PRKCH: variants seen among roughly 807,000 people sequenced by gnomAD.
The protein encoded by PRKCH is protein kinase C eta.
PRKCH carries 28 observed loss-of-function variants against 82.5 expected under a neutral mutation model. The observed-to-expected ratio is 0.34, with a 90% CI of 0.25 to 0.47. The LOEUF is 0.47. PRKCH is among the 20% of genes least tolerant of loss of function. PRKCH has a pLI of 1.00. For missense variants in PRKCH, 705 were observed against 881.8 expected (o/e 0.80, Z 2.54); for synonymous variants, 322 against 327.4 (o/e 0.98, Z 0.18).
chr14:61,309,867 T>A (rs976547380), intron 1 of PRKCH, among the ~76,000 whole-genome samples: 1 of 152,150 alleles, frequency 6.6e-6, no homozygotes, highest in Non-Finnish European at 1.5e-5. Context: ...CAGTTCCATA[T>A]GTCTGAGGAG....
Position 61,450,884 on chromosome 14 carries a change from A to C in PRKCH, c.745A>C (p.Ser249Arg), listed in dbSNP as rs946120687. The change falls in exon 6 of 14, where the codon AGC (serine) becomes CGC (arginine). Residue 249 changes from serine to arginine, a missense_variant. Physicochemically the swap from Ser to Arg is moderately radical, Grantham distance 110. This residue lies in a region of PRKCH where 15 missense variants were observed against 40.7 expected (regional missense o/e 0.37). Transcript: ENST00000332981. ...RFGINIPHKF[S>R]IHNYKVPTFC... Reference sequence around the variant, plus strand: ...CGGGATCAACATCCCACACAAGTTCAGCATCCACAACTACAAAGTGCCAAC... The same window carrying C: ...CGGGATCAACATCCCACACAAGTTCCGCATCCACAACTACAAAGTGCCAAC... 1.9e-6 allele frequency: 3 copies of C among 1,614,046 alleles called. No individual in the cohort carries two copies. Among genetic ancestry groups the C allele is most frequent in the Non-Finnish European group, 2.5e-6 (3 of 1,179,942 alleles).
At chr14:61,433,095 T>C (rs1379705895) in intron 2 of PRKCH, among the ~76,000 whole-genome samples, 1 of 149,556 alleles carries the variant, frequency 6.7e-6, no homozygotes, top group Non-Finnish European at 1.5e-5. Flanking sequence ...TTCAAAGCTC[T>C]CACCTTGGTT....
chr14:61,229,505 G>T (rs2044723948), intron 1 of PRKCH, among the ~76,000 whole-genome samples: 1 of 152,170 alleles, frequency 6.6e-6, no homozygotes, highest in Non-Finnish European at 1.5e-5. Context: ...CTGAGCTCTG[G>T]TTACATAAGC....
chr14:61,518,460 G>GA, intron 10 of PRKCH, among the ~76,000 whole-genome samples: 1 of 151,446 alleles, frequency 6.6e-6, no homozygotes, highest in Non-Finnish European at 1.5e-5. Flanking sequence ...AAAAGAAAAA[G>GA]AAAAAAAATT....
intron 1 of PRKCH, among the ~76,000 whole-genome samples, chr14:61,244,717 G>A (rs1478457473): frequency 6.6e-6 from 1 of 152,192 alleles, no homozygotes; most frequent in Non-Finnish European, 1.5e-5. Flanking sequence ...TTCCTGTAAT[G>A]AGGAGTTATT....
chr14:61,233,414 G>GA (rs1398970798), intron 1 of PRKCH, among the ~76,000 whole-genome samples: 2 of 150,952 alleles, frequency 1.3e-5, no homozygotes, highest in African/African-American at 2.4e-5. Context: ...AAAAGAAAAA[G>GA]AAAAAAAAGC....
chr14:61,408,665 T>C (rs1882095736), intron 2 of PRKCH, among the ~76,000 whole-genome samples: 1 of 152,124 alleles, frequency 6.6e-6, no homozygotes, highest in Non-Finnish European at 1.5e-5. Flanking sequence ...CCACAAAGTG[T>C]AGCATTAGGA....
intron 1 of PRKCH, among the ~76,000 whole-genome samples, chr14:61,233,285 G>A (rs1411892837): frequency 6.6e-6 from 1 of 152,082 alleles, no homozygotes; most frequent in African/African-American, 2.4e-5. Flanking sequence ...CAGCTACTCA[G>A]GAGGCTGAGG....
At position 61,540,376 on chromosome 14, in the gene PRKCH, C is replaced by G. The variant is rs183257854; in HGVS notation, c.1762-7367C>G. Reference sequence around the variant, plus strand: ...CTGTGTAATGATTCTCCTCACCTGTCGGTCCAAGTATCTTAACCCAGAATC... The same window carrying G: ...CTGTGTAATGATTCTCCTCACCTGTGGGTCCAAGTATCTTAACCCAGAATC... On this transcript the variant is annotated intron_variant, in intron 12 of 13. Transcript: ENST00000332981. 8.3e-4 allele frequency among the ~76,000 whole-genome samples: 126 copies of G among 152,280 alleles called. 1 individual carries two copies. The highest frequency in any genetic ancestry group is 4.7e-3 in the Admixed American group (72 of 15,302).
intron 10 of PRKCH, among the ~76,000 whole-genome samples, chr14:61,512,897 T>G (rs1375910868): frequency 6.6e-6 from 1 of 151,432 alleles, no homozygotes; most frequent in East Asian, 1.9e-4. Context: ...CATGATCATA[T>G]CCTCAAACTC....
intron 1 of PRKCH, among the ~76,000 whole-genome samples, chr14:61,256,061 CACTTGAAGGGTTGGTGACA>C (rs1225888539): frequency 8.5e-5 from 13 of 152,154 alleles, no homozygotes; most frequent in Non-Finnish European, 1.5e-5. Context: ...AATGCATTTG[CACTTGAAGGGTTGGTGACA>C]ATTTCAAGGT....
intron 1 of PRKCH, among the ~76,000 whole-genome samples, chr14:61,229,583 C>A (rs1476987437): frequency 2.0e-5 from 3 of 152,164 alleles, no homozygotes; most frequent in African/African-American, 7.2e-5. Context: ...TTGATTAGAA[C>A]AGCTTATATA....
At chr14:61,245,991 T>C (rs1201903344) in intron 1 of PRKCH, among the ~76,000 whole-genome samples, 2 of 152,162 alleles carry the variant, frequency 1.3e-5, no homozygotes, top group African/African-American at 4.8e-5. Flanking sequence ...GAGGGAGAGC[T>C]TCCAGGTGAG....
At chr14:61,518,525 G>A (rs935202932) in intron 10 of PRKCH, among the ~76,000 whole-genome samples, 3 of 152,142 alleles carry the variant, frequency 2.0e-5, no homozygotes, top group African/African-American at 7.2e-5. Context: ...CTAAGGAGAT[G>A]TATGATTGGT....
intron 1 of PRKCH, among the ~76,000 whole-genome samples, chr14:61,265,724 G>A (rs2045094078): frequency 6.6e-6 from 1 of 152,106 alleles, no homozygotes; most frequent in South Asian, 2.1e-4. Flanking sequence ...CTGCAATATT[G>A]CTACATTAGT....
chr14:61,392,995 T>TG (rs1177728605), intron 2 of PRKCH, among the ~76,000 whole-genome samples: 3 of 152,202 alleles, frequency 2.0e-5, no homozygotes, highest in African/African-American at 7.2e-5. Flanking sequence ...TTATTAAAAG[T>TG]CTCCCCTGGC....
At chr14:61,311,539 C>T (rs2045523779) in intron 1 of PRKCH, among the ~76,000 whole-genome samples, 1 of 152,242 alleles carries the variant, frequency 6.6e-6, no homozygotes, top group Admixed American at 6.5e-5. Flanking sequence ...GCCGTCCAAA[C>T]TGTTCCAACG....
intron 10 of PRKCH, among the ~76,000 whole-genome samples, chr14:61,496,472 C>T (rs549301553): frequency 2.0e-5 from 3 of 152,334 alleles, no homozygotes; most frequent in Admixed American, 2.0e-4. Context: ...GCTCCCCCAT[C>T]TCTTTGCCAA....
chr14:61,499,546 G>A (rs1362345988), intron 10 of PRKCH, among the ~76,000 whole-genome samples: 1 of 152,132 alleles, frequency 6.6e-6, no homozygotes, highest in Non-Finnish European at 1.5e-5. Context: ...GGCCTCCAGA[G>A]TAGCCATGTA....
Sources: gnomAD v4.1 joint callset for allele counts (sites outside exome capture counted in the v4.1 genomes callset) on GRCh38, gnomAD v4.1.1 for gene constraint, gnomAD v4.1.1 regional missense constraint, MANE v1.5 for transcripts, NCBI Gene and HGNC (gene_info 2026-07-23, HGNC 2026-07-21) for gene names.